The following FKBP5 variants were observed in gnomAD, a reference collection of about 807,000 sequenced individuals.
FKBP5 encodes FKBP prolyl isomerase 5.
In FKBP5, 23 loss-of-function variants were observed where a neutral mutation model predicts 50.5. That is an observed-to-expected ratio of 0.46 (90% confidence interval 0.33 to 0.65). The LOEUF is 0.65. FKBP5 is among the 30% of genes least tolerant of loss of function. The probability of loss-of-function intolerance (pLI) is 0.02; values close to 1 mark genes in which losing one functional copy is unlikely to be tolerated. For synonymous variants in FKBP5, 176 were observed against 190.6 expected (o/e 0.92, Z 0.63); for missense variants, 411 against 553.1 (o/e 0.74, Z 2.58).
At chr6:35,581,301 C>T (rs1285176507) in intron 8 of FKBP5, 21 of 415,498 alleles carry the variant, frequency 5.1e-5, no homozygotes, top group Admixed American at 6.8e-5. Context: ...TATATATATA[C>T]ATGCTCATAT....
chr6:35,609,111 C>T (rs1256778317), intron 5 of FKBP5, among the ~76,000 whole-genome samples: 1 of 152,154 alleles, frequency 6.6e-6, no homozygotes, highest in African/African-American at 2.4e-5. Flanking sequence ...ATTAATATTA[C>T]TTCTAACATT....
chr6:35,678,035 A>G (rs1377257732), intron 1 of FKBP5, among the ~76,000 whole-genome samples: 1 of 152,226 alleles, frequency 6.6e-6, no homozygotes, highest in Non-Finnish European at 1.5e-5. Flanking sequence ...TAGACTCGGG[A>G]TAACATCCTG....
chr6:35,590,021 G>A (rs993400590), intron 7 of FKBP5, among the ~76,000 whole-genome samples: 1 of 152,220 alleles, frequency 6.6e-6, no homozygotes, highest in African/African-American at 2.4e-5. Flanking sequence ...AATGTGGTCA[G>A]GCACAGTGGC....
At chr6:35,688,391 G>A (rs938128221) in intron 1 of FKBP5, among the ~76,000 whole-genome samples, 5 of 152,124 alleles carry the variant, frequency 3.3e-5, no homozygotes, top group African/African-American at 4.8e-5. Flanking sequence ...CCTGTCCGGG[G>A]AGAGCCGGGG....
intron 1 of FKBP5, among the ~76,000 whole-genome samples, chr6:35,645,452 GAGAA>G (rs961307727): frequency 2.0e-5 from 3 of 152,114 alleles, no homozygotes; most frequent in Admixed American, 1.3e-4. Flanking sequence ...AAAAAAGAGA[GAGAA>G]AGAGAGAGAG....
chr6:35,726,535 TCCACACACACAC>T (rs1296584724), intron 1 of FKBP5, among the ~76,000 whole-genome samples: 1 of 82,644 alleles, frequency 1.2e-5, no homozygotes. Context: ...CTCCTCCTCC[TCCACACACACAC>T]ACACACACAC....
intron 10 of FKBP5, among the ~76,000 whole-genome samples, chr6:35,576,268 G>A (rs1031921576): frequency 2.0e-5 from 3 of 152,048 alleles, no homozygotes; most frequent in Non-Finnish European, 2.9e-5. Flanking sequence ...GCTGGCTGCC[G>A]ACCCTCAAGA....
At chr6:35,633,081 C>T (rs969729045) in intron 3 of FKBP5, among the ~76,000 whole-genome samples, 4 of 152,026 alleles carry the variant, frequency 2.6e-5, no homozygotes, top group African/African-American at 9.7e-5. Context: ...TGAAGTCATA[C>T]TAGAATCCCC....
intron 3 of FKBP5, among the ~76,000 whole-genome samples, chr6:35,634,546 C>T (rs1764252711): frequency 6.6e-6 from 1 of 152,130 alleles, no homozygotes; most frequent in Non-Finnish European, 1.5e-5. Context: ...ACAAATGATA[C>T]AGGAAGCAGG....
At chr6:35,602,538 A>C (rs546491693) in intron 5 of FKBP5, among the ~76,000 whole-genome samples, 2 of 152,188 alleles carry the variant, frequency 1.3e-5, no homozygotes, top group African/African-American at 4.8e-5. Context: ...ATTCATGCCA[A>C]GTGAGCTTCT....
intron 1 of FKBP5, among the ~76,000 whole-genome samples, chr6:35,667,320 AG>A (rs1193526643): frequency 6.6e-6 from 1 of 152,156 alleles, no homozygotes; most frequent in Non-Finnish European, 1.5e-5. Flanking sequence ...CCTGCTCCCA[AG>A]GAACTTACAG....
chr6:35,612,770 A>G (rs977214147), intron 5 of FKBP5, among the ~76,000 whole-genome samples: 3 of 152,216 alleles, frequency 2.0e-5, no homozygotes, highest in African/African-American at 7.2e-5. Context: ...AACTCACTCT[A>G]TCATGAGAAC....
At chr6:35,638,302 C>T (rs1403777041) in intron 2 of FKBP5, among the ~76,000 whole-genome samples, 8 of 152,034 alleles carry the variant, frequency 5.3e-5, no homozygotes, top group Non-Finnish European at 7.4e-5. Flanking sequence ...TTAAATAATT[C>T]GATTATTTGC....
intron 3 of FKBP5, among the ~76,000 whole-genome samples, chr6:35,629,852 T>A (rs560636443): frequency 9.2e-5 from 14 of 152,130 alleles, no homozygotes; most frequent in Non-Finnish European, 2.1e-4. Context: ...TTTCTTAAAG[T>A]TTGCTGTCTT....
chr6:35,721,475 G>T (rs898010846), intron 1 of FKBP5, among the ~76,000 whole-genome samples: 1 of 149,994 alleles, frequency 6.7e-6, no homozygotes, highest in African/African-American at 2.5e-5. Flanking sequence ...TTTTTTTTTA[G>T]ATGGAGTTTC....
chr6:35,598,995 T>A (rs1019908028), intron 5 of FKBP5, among the ~76,000 whole-genome samples: 1 of 151,622 alleles, frequency 6.6e-6, no homozygotes, highest in Non-Finnish European at 1.5e-5. Context: ...AAAAAATAAA[T>A]AAATAAAAAT....
intron 1 of FKBP5, among the ~76,000 whole-genome samples, chr6:35,674,956 G>T (rs1765487063): frequency 6.6e-6 from 1 of 152,178 alleles, no homozygotes; most frequent in Non-Finnish European, 1.5e-5. Flanking sequence ...ATCATGTCCT[G>T]TTCATTTTGT....
At chr6:35,718,139 A>C (rs1355094586) in intron 2 of FKBP5, among the ~76,000 whole-genome samples, 1 of 152,128 alleles carries the variant, frequency 6.6e-6, no homozygotes, top group Non-Finnish European at 1.5e-5. Flanking sequence ...TGGGGGCGGC[A>C]TTTGAATTAG....
chr6:35,633,325 C>T (rs1003724978), intron 3 of FKBP5, among the ~76,000 whole-genome samples: 2 of 151,996 alleles, frequency 1.3e-5, no homozygotes, highest in Non-Finnish European at 2.9e-5. Flanking sequence ...GGCGGATCAC[C>T]TGAGCTCAAA....
Sources: allele counts gnomAD v4.1 joint callset (sites outside exome capture counted in the v4.1 genomes callset), GRCh38; gene constraint gnomAD v4.1.1; transcripts MANE v1.5; gene names NCBI Gene and HGNC (gene_info 2026-07-23, HGNC 2026-07-21).